Variants in AFAP1 observed in about 807,000 individuals in gnomAD.
AFAP1 encodes the protein actin filament-associated protein 1.
Under a neutral mutation model 93.9 loss-of-function variants are expected in AFAP1, and 75 were observed. The ratio of observed to expected loss-of-function variants is 0.80; its 90% CI spans 0.66 to 0.97. The LOEUF (loss-of-function observed/expected upper bound fraction) is 0.97, where lower values mean the gene tolerates loss of function less well. AFAP1 is among the 50% of genes least tolerant of loss of function. The pLI, the probability that AFAP1 is intolerant of heterozygous loss-of-function variation, is 0.00. For synonymous variants in AFAP1, 517 were observed against 430.7 expected, an observed-to-expected ratio of 1.20 and a Z score of -2.48; for missense variants, 1,201 against 1,050.8, an observed-to-expected ratio of 1.14 and a Z score of -1.98.
At chr4:7,921,377 G>A (rs531612502) in intron 1 of AFAP1, among the ~76,000 whole-genome samples, 1 of 151,766 alleles carries the variant, frequency 6.6e-6, no homozygotes, top group Admixed American at 6.6e-5. Flanking sequence ...AGAGACAGGG[G>A]TTTCACCACG....
At chr4:7,854,581 G>A (rs1186183384) in intron 4 of AFAP1, among the ~76,000 whole-genome samples, 1 of 152,236 alleles carries the variant, frequency 6.6e-6, no homozygotes, top group South Asian at 2.1e-4. Flanking sequence ...GCAGGTAACA[G>A]TATAACAACT....
chr4:7,814,692 C>T (rs76608620), intron 8 of AFAP1, among the ~76,000 whole-genome samples: 1,645 of 152,298 alleles, frequency 0.011, 24 homozygotes, highest in African/African-American at 0.037. Context: ...GATGCTTCCA[C>T]GTTATGACAT....
chr4:7,855,070 C>A (rs1293342874), intron 4 of AFAP1, among the ~76,000 whole-genome samples: 1 of 152,234 alleles, frequency 6.6e-6, no homozygotes, highest in Non-Finnish European at 1.5e-5. Context: ...TCTGGCCCAA[C>A]AGCCAACCTG....
At chr4:7,935,428 A>C (rs1317630872) in intron 1 of AFAP1, among the ~76,000 whole-genome samples, 1 of 152,232 alleles carries the variant, frequency 6.6e-6, no homozygotes, top group East Asian at 1.9e-4. Context: ...TCAATATCCA[A>C]AACTGTTTTG....
chr4:7,836,463 T>C (rs1461298400), intron 6 of AFAP1, among the ~76,000 whole-genome samples: 1 of 152,238 alleles, frequency 6.6e-6, no homozygotes, highest in Non-Finnish European at 1.5e-5. Context: ...TCTTTGTTTT[T>C]GAGACAGGGT....
intron 1 of AFAP1, among the ~76,000 whole-genome samples, chr4:7,924,795 G>C (rs996999002): frequency 5.3e-5 from 8 of 152,252 alleles, no homozygotes; most frequent in African/African-American, 1.9e-4. Context: ...CAGGAAGCCA[G>C]ACTCTTCTCT....
At chr4:7,805,022 G>A (rs1316947515) in intron 9 of AFAP1, among the ~76,000 whole-genome samples, 1 of 152,134 alleles carries the variant, frequency 6.6e-6, no homozygotes, top group Admixed American at 6.5e-5. Flanking sequence ...GCCTGTCATG[G>A]TGGCTCCTGG....
intron 1 of AFAP1, among the ~76,000 whole-genome samples, chr4:7,875,866 TTAGAG>T (rs1263958627): frequency 6.6e-6 from 1 of 152,112 alleles, no homozygotes; most frequent in Non-Finnish European, 1.5e-5. Context: ...TATAAAGTAC[TTAGAG>T]TAGTCAAATT....
intron 1 of AFAP1, among the ~76,000 whole-genome samples, chr4:7,910,881 G>A (rs1448572619): frequency 6.6e-6 from 1 of 152,180 alleles, no homozygotes; most frequent in Non-Finnish European, 1.5e-5. Flanking sequence ...GGGCGTGCTT[G>A]AGAGGCACCC....
At chr4:7,915,392 A>G in intron 1 of AFAP1, among the ~76,000 whole-genome samples, 1 of 152,024 alleles carries the variant, frequency 6.6e-6, no homozygotes, top group African/African-American at 2.4e-5. Flanking sequence ...GGTGACTCCA[A>G]CCTGTAAGCC....
intron 1 of AFAP1, among the ~76,000 whole-genome samples, chr4:7,917,334 T>C (rs558680305): frequency 1.3e-5 from 2 of 152,302 alleles, no homozygotes; most frequent in Non-Finnish European, 2.9e-5. Flanking sequence ...ATCAGTACTA[T>C]TTTGTTTTTT....
At chr4:7,823,959 C>T (rs989212303) in intron 6 of AFAP1, among the ~76,000 whole-genome samples, 3 of 152,252 alleles carry the variant, frequency 2.0e-5, no homozygotes, top group East Asian at 1.9e-4. Flanking sequence ...TTGCTAAAAA[C>T]ATGCATCAGC....
intron 6 of AFAP1, among the ~76,000 whole-genome samples, chr4:7,820,070 T>A (rs570230161): frequency 1.3e-5 from 2 of 152,134 alleles, no homozygotes. Flanking sequence ...GGGAAATCCA[T>A]GAGAGGACAT....
Position 7,758,741 on chromosome 4 carries a change from A to C in AFAP1, c.*5024T>G, listed in dbSNP as rs1262073670. 6.6e-6 allele frequency: 1 copy of C among 152,238 alleles called. No individual in the cohort carries two copies. Among genetic ancestry groups the C allele is most frequent in the African/African-American group, 2.4e-5 (1 of 41,454 alleles). The allele number at this position is 152,238 out of a possible 1,614,324, so 9.4% of individuals were successfully genotyped here. A position where few individuals can be genotyped will look rare whatever the true frequency, so the allele number is the denominator to read the frequency against. ...GGGGAGAGAAGTTTATTCATACACA[A>C]AGGGGCACGCCAAGGGCGCCAGTCT... On this transcript the variant is annotated 3_prime_UTR_variant, in exon 18 of 18. Coordinates refer to ENST00000420658, the MANE Select transcript of AFAP1 (RefSeq NM_001134647.2).
Position 7,809,625 on chromosome 4 carries a change from A to T in AFAP1, c.1043T>A (p.Val348Asp). The change falls in exon 9 of 18, where the codon GTT (valine) becomes GAT (aspartate). Residue 348 changes from valine to aspartate, a missense_variant. Transcript: ENST00000420658. ...DEQTSSAEEDVPTCGYLNVLS... is the reference protein window; with the variant it reads ...DEQTSSAEEDDPTCGYLNVLS... ...AAGCGCAGTCTTACCGCAGGTGGGA[A>T]CATCTTCCTCAGCTGAGGAGGTCTG... 1 of 1,612,524 alleles carries T rather than the reference A, an allele frequency of 6.2e-7. No individual in the cohort carries two copies. Among genetic ancestry groups the T allele is most frequent in the Non-Finnish European group, 8.5e-7 (1 of 1,179,598 alleles).
At chr4:7,810,161 C>A (rs1230706499) in intron 8 of AFAP1, among the ~76,000 whole-genome samples, 2 of 152,234 alleles carry the variant, frequency 1.3e-5, no homozygotes, top group Non-Finnish European at 2.9e-5. Context: ...CCGTGCCCGG[C>A]CTTTCCCTCA....
chr4:7,939,336 C>A lies in AFAP1; in HGVS notation c.-3+320G>T. 3.1e-6 allele frequency: 1 copy of A among 317,806 alleles called. No homozygotes were observed. Among genetic ancestry groups the A allele is most frequent in the Non-Finnish European group, 6.2e-6 (1 of 160,054 alleles). 19.7% of individuals were successfully genotyped at this position (317,806 alleles called of 1,614,324 possible). A position where few individuals can be genotyped will look rare whatever the true frequency, so the allele number is the denominator to read the frequency against. On this transcript the variant is annotated intron_variant, in intron 1 of 17. Coordinates refer to ENST00000420658, the MANE Select transcript of AFAP1 (RefSeq NM_001134647.2). This position sits in a 1 kb window ranked among gnomAD's most constrained non-coding sequence, Gnocchi z 5.6. ...CCCACGAGTGGGTCTTCGCAGGGCC[C>A]CCTCTGACGCACACGGGGACCAGCC...
At chr4:7,875,935 G>A (rs1197810076) in intron 1 of AFAP1, among the ~76,000 whole-genome samples, 1 of 152,160 alleles carries the variant, frequency 6.6e-6, no homozygotes. Context: ...TGGGGAGAAT[G>A]TAGGGTTATT....
chr4:7,805,479 T>G (rs1481979831), intron 9 of AFAP1, among the ~76,000 whole-genome samples: 2 of 152,142 alleles, frequency 1.3e-5, no homozygotes, highest in Non-Finnish European at 1.5e-5. Flanking sequence ...GGTGATGTTT[T>G]TAAAAAACAT....
Sources: gnomAD v4.1 joint callset for allele counts (sites outside exome capture counted in the v4.1 genomes callset) on GRCh38, gnomAD v4.1.1 for gene constraint, Gnocchi (gnomAD v3.1) non-coding constraint, MANE v1.5 for transcripts, NCBI Gene and HGNC (gene_info 2026-07-23, HGNC 2026-07-21) for gene names.